Variants in INVS observed in about 807,000 individuals in gnomAD.
The protein encoded by INVS is inversion of embryo turning homolog.
INVS carries 86 observed loss-of-function variants against 108.8 expected under a neutral mutation model. That is an observed-to-expected ratio of 0.79 (90% CI 0.66 to 0.95). The LOEUF (loss-of-function observed/expected upper bound fraction) is 0.95, where lower values mean the gene tolerates loss of function less well. INVS is among the 40% of genes least tolerant of loss of function. The pLI, the probability that INVS is intolerant of heterozygous loss-of-function variation, is 0.00. For missense variants in INVS, 1,169 were observed against 1,297.4 expected, an observed-to-expected ratio of 0.90 and a Z score of 1.52; for synonymous variants, 455 against 473.5, an observed-to-expected ratio of 0.96 and a Z score of 0.51.
At chr9:100,200,656 C>T (rs937486654) in intron 3 of INVS, among the ~76,000 whole-genome samples, 10 of 152,152 alleles carry the variant, frequency 6.6e-5, no homozygotes, top group African/African-American at 2.4e-4. Flanking sequence ...ACCCCTATGC[C>T]TTGGGTAGTA....
chr9:100,138,047 TTTAA>T (rs555996014), intron 3 of INVS, among the ~76,000 whole-genome samples: 398 of 152,312 alleles, frequency 2.6e-3, no homozygotes, highest in African/African-American at 9.2e-3. Flanking sequence ...TATAAGTAAC[TTTAA>T]TTGAGAATAA....
At chr9:100,159,860 T>G (rs1564137896) in intron 3 of INVS, among the ~76,000 whole-genome samples, 1 of 152,142 alleles carries the variant, frequency 6.6e-6, no homozygotes, top group African/African-American at 2.4e-5. Context: ...ACTCTGATGA[T>G]TCTGCTGTTG....
chr9:100,150,169 A>G (rs1588040950), intron 3 of INVS, among the ~76,000 whole-genome samples: 1 of 152,232 alleles, frequency 6.6e-6, no homozygotes, highest in Middle Eastern at 3.4e-3. Flanking sequence ...TTTTTTCTTT[A>G]TCATACCTCT....
intron 10 of INVS, among the ~76,000 whole-genome samples, chr9:100,255,324 TG>T (rs1287358913): frequency 6.6e-6 from 1 of 152,206 alleles, no homozygotes; most frequent in African/African-American, 2.4e-5. Flanking sequence ...GCTGAGACAA[TG>T]GGGTTTTCTA....
chr9:100,103,730 T>G (rs1316579549), intron 1 of INVS, among the ~76,000 whole-genome samples: 1 of 150,590 alleles, frequency 6.6e-6, no homozygotes, highest in African/African-American at 2.4e-5. Context: ...GGGATGGGAT[T>G]TGTAGAAATG....
At chr9:100,205,044 G>T (rs1830634760) in intron 3 of INVS, among the ~76,000 whole-genome samples, 1 of 152,044 alleles carries the variant, frequency 6.6e-6, no homozygotes, top group East Asian at 1.9e-4. Context: ...ATAGGAAAGG[G>T]ATGTGGGGTG....
At chr9:100,282,859 G>T (rs1310997098) in intron 12 of INVS, among the ~76,000 whole-genome samples, 2 of 152,144 alleles carry the variant, frequency 1.3e-5, no homozygotes, top group African/African-American at 2.4e-5. Context: ...CTTAAGCCTG[G>T]CTACTCAAGG....
intron 2 of INVS, among the ~76,000 whole-genome samples, chr9:100,122,584 T>TC (rs1564121965): frequency 3.9e-5 from 5 of 128,566 alleles, no homozygotes; most frequent in Non-Finnish European, 8.1e-5. Flanking sequence ...TTCTTTTTTT[T>TC]TTTTTTTTTT....
chr9:100,272,059 G>T (rs2118664293), intron 11 of INVS, among the ~76,000 whole-genome samples: 1 of 151,702 alleles, frequency 6.6e-6, no homozygotes, highest in Admixed American at 6.6e-5. Context: ...AGTAGAAACA[G>T]GGTTTCACCT....
At chr9:100,194,999 C>A (rs1022264115) in intron 3 of INVS, among the ~76,000 whole-genome samples, 2 of 152,142 alleles carry the variant, frequency 1.3e-5, no homozygotes, top group Admixed American at 1.3e-4. Context: ...ACATCTGCAT[C>A]ATAGGAGCAA....
intron 3 of INVS, among the ~76,000 whole-genome samples, chr9:100,164,578 G>A (rs1027922328): frequency 1.3e-5 from 2 of 152,014 alleles, no homozygotes; most frequent in Non-Finnish European, 2.9e-5. Flanking sequence ...CTCTTCCCAT[G>A]TTAAAGCAAA....
intron 3 of INVS, among the ~76,000 whole-genome samples, chr9:100,142,465 AG>A (rs1308456951): frequency 1.3e-5 from 2 of 152,144 alleles, no homozygotes; most frequent in Non-Finnish European, 2.9e-5. Context: ...GATTAGGGTG[AG>A]GAACAGGAAA....
intron 3 of INVS, among the ~76,000 whole-genome samples, chr9:100,132,838 C>T (rs887049365): frequency 1.3e-5 from 2 of 152,088 alleles, no homozygotes; most frequent in Non-Finnish European, 2.9e-5. Context: ...GGTGCCATGG[C>T]TCACGCCTGT....
chr9:100,191,521 C>T (rs1830220191), intron 3 of INVS, among the ~76,000 whole-genome samples: 1 of 152,076 alleles, frequency 6.6e-6, no homozygotes, highest in South Asian at 2.1e-4. Flanking sequence ...CTTTCATTTT[C>T]AAAAGTTCTG....
chr9:100,136,922 C>T (rs1468892895), intron 3 of INVS, among the ~76,000 whole-genome samples: 2 of 152,050 alleles, frequency 1.3e-5, no homozygotes. Context: ...CGCCTGTAAT[C>T]CCAGCTGTGC....
chr9:100,253,157 A>G, intron 10 of INVS, 21 bp downstream of exon 10: 1 of 1,566,576 alleles, frequency 6.4e-7, no homozygotes, highest in African/African-American at 1.3e-5. Flanking sequence ...TGTCTTTTCT[A>G]TATTGTTTGC....
At chr9:100,184,713 A>C (rs1328146241) in intron 3 of INVS, among the ~76,000 whole-genome samples, 2 of 152,114 alleles carry the variant, frequency 1.3e-5, no homozygotes. Context: ...GTATACAAAA[A>C]AATGCATGTG....
At chr9:100,230,327 G>A (rs1564167745) in intron 5 of INVS, among the ~76,000 whole-genome samples, 1 of 152,100 alleles carries the variant, frequency 6.6e-6, no homozygotes, top group Non-Finnish European at 1.5e-5. Flanking sequence ...GGCAACAACT[G>A]TCTTCAATCT....
At chr9:100,287,257 G>A (rs1009160192) in intron 13 of INVS, among the ~76,000 whole-genome samples, 4 of 152,232 alleles carry the variant, frequency 2.6e-5, no homozygotes, top group African/African-American at 9.6e-5. Flanking sequence ...GTGGTCTCAG[G>A]ACAGCATTTT....
Sources: gnomAD v4.1 joint callset for allele counts (sites outside exome capture counted in the v4.1 genomes callset) on GRCh38, gnomAD v4.1.1 for gene constraint, MANE v1.5 for transcripts, NCBI Gene and HGNC (gene_info 2026-07-23, HGNC 2026-07-21) for gene names.